ENPP3: variants seen among roughly 807,000 people sequenced by gnomAD.
ENPP3 encodes the protein ectonucleotide pyrophosphatase/phosphodiesterase 3, also known as ectonucleotide pyrophosphatase/phosphodiesterase family member 3.
ENPP3 carries 104 observed loss-of-function variants against 117.8 expected under a neutral mutation model. The observed-to-expected ratio is 0.88, with a 90% CI of 0.75 to 1.04. The LOEUF is 1.04. Among genes scored for constraint, ENPP3 ranks in the 50% least tolerant of loss-of-function variants. The pLI is 0.00. For synonymous variants in ENPP3, 380 were observed against 349.9 expected, an observed-to-expected ratio of 1.09 and a Z score of -0.96; for missense variants, 1,026 against 1,051.9, an observed-to-expected ratio of 0.98 and a Z score of 0.34.
intron 16 of ENPP3, among the ~76,000 whole-genome samples, chr6:131,719,639 G>A (rs3861467): frequency 0.27 from 40,516 of 151,648 alleles, 9,172 homozygotes; most frequent in African/African-American, 0.6. Flanking sequence ...CTTAATATAT[G>A]TATGTATATA....
At chr6:131,653,695 A>T (rs1778314251) in intron 5 of ENPP3, among the ~76,000 whole-genome samples, 2 of 152,126 alleles carry the variant, frequency 1.3e-5, no homozygotes, top group African/African-American at 4.8e-5. Flanking sequence ...TACAGCTGTG[A>T]GCCACCATGT....
intron 2 of ENPP3, among the ~76,000 whole-genome samples, chr6:131,646,972 CTTT>C (rs747724228): frequency 6.3e-5 from 8 of 127,604 alleles, no homozygotes; most frequent in Admixed American, 8.0e-5. Context: ...CAACCAGCTA[CTTT>C]TTTTTTTTTT....
chr6:131,721,927 G>GTCGC (rs1266334809), intron 17 of ENPP3, among the ~76,000 whole-genome samples: 6 of 152,162 alleles, frequency 3.9e-5, no homozygotes, highest in Non-Finnish European at 8.8e-5. Context: ...GTTTCAGTAT[G>GTCGC]TCGCCTAAGC....
chr6:131,680,468 A>C (rs1046739754), intron 11 of ENPP3, among the ~76,000 whole-genome samples: 2 of 152,160 alleles, frequency 1.3e-5, no homozygotes, highest in African/African-American at 2.4e-5. Flanking sequence ...AGCTCAAAGG[A>C]GGTGAAGATC....
At chr6:131,720,626 G>T (rs1189100723) in intron 17 of ENPP3, among the ~76,000 whole-genome samples, 2 of 152,140 alleles carry the variant, frequency 1.3e-5, no homozygotes, top group Non-Finnish European at 2.9e-5. Flanking sequence ...CTGTCACCCA[G>T]GCTGGAGTGC....
At chr6:131,648,775 A>C (rs1342398242) in intron 2 of ENPP3, among the ~76,000 whole-genome samples, 1 of 152,216 alleles carries the variant, frequency 6.6e-6, no homozygotes, top group African/African-American at 2.4e-5. Flanking sequence ...AATTATAGAT[A>C]ATTTTCAATG....
At chr6:131,667,948 G>T (rs779670299) in intron 6 of ENPP3, among the ~76,000 whole-genome samples, 2 of 152,110 alleles carry the variant, frequency 1.3e-5, no homozygotes, top group African/African-American at 2.4e-5. Context: ...TGAAGCCCCT[G>T]CAGAGCTTAT....
chr6:131,661,882 G>A (rs1778508511), intron 6 of ENPP3, among the ~76,000 whole-genome samples: 2 of 152,028 alleles, frequency 1.3e-5, no homozygotes, highest in South Asian at 4.1e-4. Flanking sequence ...CCTTTTCTGT[G>A]CAGAAACTTT....
intron 6 of ENPP3, among the ~76,000 whole-genome samples, chr6:131,665,335 AT>A (rs1375775912): frequency 3.3e-5 from 5 of 152,128 alleles, no homozygotes; most frequent in African/African-American, 1.2e-4. Context: ...AGTTCTTCAA[AT>A]TTTTGGTAAA....
intron 15 of ENPP3, among the ~76,000 whole-genome samples, chr6:131,706,956 T>C (rs2114488973): frequency 6.6e-6 from 1 of 152,186 alleles, no homozygotes; most frequent in South Asian, 2.1e-4. Context: ...CTTCAAAAAA[T>C]AAATTGGGAA....
At chr6:131,741,339 A>G (rs1780524486) in intron 24 of ENPP3, among the ~76,000 whole-genome samples, 1 of 152,218 alleles carries the variant, frequency 6.6e-6, no homozygotes, top group African/African-American at 2.4e-5. Context: ...TTCAGTTTAT[A>G]TATGAGATAT....
At chr6:131,681,656 T>C (rs1779026487) in intron 11 of ENPP3, among the ~76,000 whole-genome samples, 1 of 152,196 alleles carries the variant, frequency 6.6e-6, no homozygotes, top group Non-Finnish European at 1.5e-5. Context: ...CCAATTCTAC[T>C]ATTTAGAGAC....
At chr6:131,703,481 A>G (rs999926807) in intron 15 of ENPP3, among the ~76,000 whole-genome samples, 3 of 137,540 alleles carry the variant, frequency 2.2e-5, no homozygotes, top group Non-Finnish European at 4.5e-5. Context: ...CCTATTATCT[A>G]AAACTATTGG....
In ENPP3 at chr6:131,646,274, C is replaced by CTGTGTGTGTGTG. The variant is rs34014584; in HGVS notation, c.155-3729_155-3718dup. 4.9e-3 allele frequency among the ~76,000 whole-genome samples: 715 copies of CTGTGTGTGTGTG among 145,586 alleles called. 6 individuals are homozygous for CTGTGTGTGTGTG. The highest frequency in any genetic ancestry group is 0.017 in the African/African-American group (687 of 39,404). On this transcript the variant is annotated intron_variant, in intron 2 of 24. Transcript: ENST00000357639. Reference sequence around the variant, plus strand: ...TCTCTTTTCTGAGGCTCTCAATACTCTGTGTGTGTGTGTGTGTGTGTGTGT... The same window carrying CTGTGTGTGTGTG: ...TCTCTTTTCTGAGGCTCTCAATACTCTGTGTGTGTGTGTGTGTGTGTGTGTGTGTGTGTGTGT...
chr6:131,726,807 T>A (rs1181207700), intron 20 of ENPP3, among the ~76,000 whole-genome samples: 1 of 152,212 alleles, frequency 6.6e-6, no homozygotes, highest in Non-Finnish European at 1.5e-5. Context: ...TCTCTTGCAC[T>A]AAGTAGTACC....
In ENPP3 at chr6:131,675,181, T is replaced by C; in HGVS notation, c.864T>C (p.Pro288=). Residue 288 remains proline, a synonymous_variant, in exon 9 of 25, where the codon CCT becomes CCC. Transcript: ENST00000357639. ...INGSFPSIYM[P]YNGSVPFEER... ...GCTCCTTTCCTTCCATATACATGCCTTACAACGGGTAGTGAAGCACTTTCA... is the reference window on the plus strand; with the variant it reads ...GCTCCTTTCCTTCCATATACATGCCCTACAACGGGTAGTGAAGCACTTTCA... The C allele has an allele frequency of 6.4e-7, 1 of 1,570,946 alleles. No homozygotes were observed.
chr6:131,661,760 T>C (rs914796618), intron 6 of ENPP3, among the ~76,000 whole-genome samples: 1 of 152,256 alleles, frequency 6.6e-6, no homozygotes, highest in Non-Finnish European at 1.5e-5. Context: ...TTTTTTGCTA[T>C]CAAGTTGTAG....
At chr6:131,651,665 TGG>T (rs981199239) in intron 3 of ENPP3, among the ~76,000 whole-genome samples, 2 of 151,978 alleles carry the variant, frequency 1.3e-5, no homozygotes, top group Non-Finnish European at 2.9e-5. Flanking sequence ...AAGGTGGTGG[TGG>T]GGGGGTGTCC....
rs1562446635 is a variant in ENPP3, at chr6:131,678,965, C to CCTTGCTTCCTTG, written c.1011+1028_1011+1029insGCTTCCTTGCTT. ...TCTTTCTTTCTTTCTTTCTTTCCTT[C>CCTTGCTTCCTTG]CTTCCTTCCTTCCTTCCTTCCTTCC... is the stretch of plus-strand genomic sequence containing the variant. On this transcript the variant is annotated intron_variant, in intron 11 of 24. Transcript: ENST00000357639. 5.9e-4 allele frequency among the ~76,000 whole-genome samples: 57 copies of CCTTGCTTCCTTG among 96,378 alleles called. 2 individuals carry two copies. The highest frequency in any genetic ancestry group is 4.1e-3 in the African/African-American group (55 of 13,320). 63.2% of individuals were successfully genotyped at this position (96,378 alleles called of 152,430 possible).
Sources: gnomAD v4.1 joint callset for allele counts (sites outside exome capture counted in the v4.1 genomes callset) on GRCh38, gnomAD v4.1.1 for gene constraint, MANE v1.5 for transcripts, NCBI Gene and HGNC (gene_info 2026-07-23, HGNC 2026-07-21) for gene names.